Variants in WLS observed in about 807,000 individuals in gnomAD.
WLS encodes the protein protein wntless homolog.
A neutral mutation model predicts 62.8 loss-of-function variants in WLS; 23 were observed. The observed-to-expected ratio is 0.37, with a 90% CI of 0.26 to 0.52. WLS has a LOEUF of 0.52. Among genes scored for constraint, WLS ranks in the 20% least tolerant of loss-of-function variants. The pLI is 0.92. For missense variants in WLS, 615 were observed against 697.3 expected, an observed-to-expected ratio of 0.88 and a Z score of 1.33; for synonymous variants, 246 against 244.1, an observed-to-expected ratio of 1.01 and a Z score of -0.07.
intron 1 of WLS, among the ~76,000 whole-genome samples, chr1:68,213,451 C>CAA (rs900446226): frequency 0.011 from 573 of 51,086 alleles, 9 homozygotes; most frequent in African/African-American, 0.04. Context: ...AACTTCATTC[C>CAA]AAAAAAAAAA....
At chr1:68,100,301 C>A (rs1328630023) in intron 11 of WLS, among the ~76,000 whole-genome samples, 3 of 152,154 alleles carry the variant, frequency 2.0e-5, no homozygotes, top group Non-Finnish European at 4.4e-5. Flanking sequence ...TGGAGCTGGC[C>A]TGTGGAGGGG....
At chr1:68,137,445 C>T (rs768702526) in intron 11 of WLS, among the ~76,000 whole-genome samples, 5 of 152,158 alleles carry the variant, frequency 3.3e-5, no homozygotes, top group Non-Finnish European at 5.9e-5. Context: ...GAAGAATAAA[C>T]ATGGCATAGT....
intron 11 of WLS, among the ~76,000 whole-genome samples, chr1:68,109,027 T>C (rs1273240997): frequency 6.6e-6 from 1 of 152,234 alleles, no homozygotes; most frequent in Non-Finnish European, 1.5e-5. Context: ...AGTATACTTT[T>C]AATTTTATTC....
intron 1 of WLS, among the ~76,000 whole-genome samples, chr1:68,222,021 A>AAT (rs1213271109): frequency 6.6e-6 from 1 of 152,186 alleles, no homozygotes; most frequent in African/African-American, 2.4e-5. Context: ...ATTCGACCAA[A>AAT]ATATATAGTG....
At chr1:68,124,055 A>C (rs900649265), downstream of WLS, among the ~76,000 whole-genome samples, 6 of 152,058 alleles carry the variant, frequency 3.9e-5, no homozygotes, top group African/African-American at 1.4e-4. Flanking sequence ...AACCCCACCC[A>C]TTCCCTTCCC....
intron 3 of WLS, among the ~76,000 whole-genome samples, chr1:68,155,606 C>T (rs919646771): frequency 6.6e-6 from 1 of 152,150 alleles, no homozygotes; most frequent in Non-Finnish European, 1.5e-5. Context: ...GCCAGGGCTA[C>T]AAGAGTTTTT....
At chr1:68,122,299 T>C (rs910161970), downstream of WLS, among the ~76,000 whole-genome samples, 4 of 152,164 alleles carry the variant, frequency 2.6e-5, no homozygotes, top group African/African-American at 9.7e-5. Context: ...GGGGTATGAG[T>C]TCCAAGGGCC....
chr1:68,125,354 T>A, downstream of WLS: 4 of 985,424 alleles, frequency 4.1e-6, no homozygotes, highest in Non-Finnish European at 4.8e-6. Context: ...TCTGCACGCA[T>A]GTGTATGAGT....
At chr1:68,135,777 C>T (rs1349632439) in intron 11 of WLS, among the ~76,000 whole-genome samples, 1 of 152,188 alleles carries the variant, frequency 6.6e-6, no homozygotes, top group East Asian at 1.9e-4. Flanking sequence ...AATCAAGATT[C>T]TTGTCCACAA....
Position 68,148,119 on chromosome 1 carries a change from C to T in WLS, c.1134+17G>A. On this transcript the variant is annotated intron_variant, in intron 8 of 11. Coordinates refer to ENST00000262348, the MANE Select transcript of WLS (RefSeq NM_024911.7). ...CAGGGGAAGAAATAAAACCCTGAGC[C>T]CATCAAGGAAGGATACGGCCAGCTC... The T allele has an allele frequency of 1.2e-6, 2 of 1,613,880 alleles. No homozygotes were observed. The highest frequency in any genetic ancestry group is 1.7e-6 in the Non-Finnish European group (2 of 1,179,914).
chr1:68,175,619 A>G (rs1467293764), intron 2 of WLS, among the ~76,000 whole-genome samples: 1 of 152,214 alleles, frequency 6.6e-6, no homozygotes, highest in East Asian at 1.9e-4. Context: ...ACTGCCTTCT[A>G]TACTTAAGGC....
At chr1:68,101,623 T>G (rs1443914107) in intron 11 of WLS, among the ~76,000 whole-genome samples, 1 of 152,246 alleles carries the variant, frequency 6.6e-6, no homozygotes, top group Non-Finnish European at 1.5e-5. Flanking sequence ...CTACGTTCAC[T>G]GTCCAGAATA....
intron 2 of WLS, among the ~76,000 whole-genome samples, chr1:68,169,704 C>A (rs1050896608): frequency 6.6e-6 from 1 of 152,188 alleles, no homozygotes; most frequent in African/African-American, 2.4e-5. Flanking sequence ...AAAACACCTG[C>A]CCTGTTCCTG....
intron 1 of WLS, among the ~76,000 whole-genome samples, chr1:68,201,043 T>A (rs750106435): frequency 7.2e-5 from 11 of 152,202 alleles, no homozygotes; most frequent in Non-Finnish European, 1.3e-4. Context: ...TTAGCTAAGT[T>A]TAGAAATTAG....
At chr1:68,169,477 A>T (rs542757063) in intron 2 of WLS, among the ~76,000 whole-genome samples, 14 of 152,316 alleles carry the variant, frequency 9.2e-5, no homozygotes, top group African/African-American at 3.1e-4. Context: ...GAAGGATTTC[A>T]TCTGCTCCTG....
At position 68,159,213 on chromosome 1, in the gene WLS, C is replaced by T. The variant is rs964135193; in HGVS notation, c.414G>A (p.Leu138=). The T allele has an allele frequency of 6.2e-7, 1 of 1,613,950 alleles. No homozygotes were observed. Among genetic ancestry groups the T allele is most frequent in the African/African-American group, 1.3e-5 (1 of 74,882 alleles). Residue 138 remains leucine, a synonymous_variant, in exon 3 of 12, where the codon CTG becomes CTA. Transcript: ENST00000262348. ...CAGCAAACGCGTCATCACGGTAAGC[C>T]AGGGAAACGTCCATGGAGACTTCTG... ...ENAEVSMDVS[L]AYRDDAFAEW...
chr1:68,187,532 G>C (rs974778262), intron 2 of WLS, among the ~76,000 whole-genome samples: 1 of 152,058 alleles, frequency 6.6e-6, no homozygotes, highest in African/African-American at 2.4e-5. Flanking sequence ...TGCCAACATG[G>C]GCATTTTTGT....
chr1:68,206,532 G>A (rs971439632), intron 1 of WLS, among the ~76,000 whole-genome samples: 1 of 152,092 alleles, frequency 6.6e-6, no homozygotes, highest in African/African-American at 2.4e-5. Flanking sequence ...GACTTTTAGG[G>A]TCTTTGTTAT....
chr1:68,108,152 G>C (rs1171474556), intron 11 of WLS, among the ~76,000 whole-genome samples: 1 of 152,146 alleles, frequency 6.6e-6, no homozygotes, highest in Non-Finnish European at 1.5e-5. Flanking sequence ...GCTCTGTGCT[G>C]TGGGTGGGGC....
Sources: allele counts gnomAD v4.1 joint callset (sites outside exome capture counted in the v4.1 genomes callset), GRCh38; gene constraint gnomAD v4.1.1; transcripts MANE v1.5; gene names NCBI Gene and HGNC (gene_info 2026-07-23, HGNC 2026-07-21).